The following TLN2 variants were observed in gnomAD, a reference collection of about 807,000 sequenced individuals.
TLN2 encodes the protein talin-2.
Under a neutral mutation model 294.7 loss-of-function variants are expected in TLN2, and 118 were observed. That is an observed-to-expected ratio of 0.40 (90% CI 0.34 to 0.47). The LOEUF (loss-of-function observed/expected upper bound fraction) is 0.47, where lower values mean the gene tolerates loss of function less well. Ranked by LOEUF, TLN2 falls within the 20% of genes least tolerant of loss-of-function variation. The pLI is 0.84. For synonymous variants in TLN2, 1,431 were observed against 1,304.5 expected (o/e 1.10, Z -2.09); for missense variants, 3,083 against 3,282.2 (o/e 0.94, Z 1.48).
At chr15:62,684,278 C>A (rs1457430061) in intron 11 of TLN2, among the ~76,000 whole-genome samples, 3 of 152,180 alleles carry the variant, frequency 2.0e-5, no homozygotes, top group African/African-American at 4.8e-5. Context: ...AGCTGCAAAC[C>A]ATATTTTATC....
intron 1 of TLN2, among the ~76,000 whole-genome samples, chr15:62,493,037 A>C (rs973599522): frequency 2.0e-5 from 3 of 152,060 alleles, no homozygotes; most frequent in Admixed American, 2.0e-4. Flanking sequence ...GGAACTCACT[A>C]ATTGCATTTG....
chr15:62,757,716 T>A (rs771358349), intron 37 of TLN2, among the ~76,000 whole-genome samples: 7 of 152,198 alleles, frequency 4.6e-5, no homozygotes, highest in Middle Eastern at 3.4e-3. Context: ...GGGAGGAATG[T>A]CGGGGGGTTG....
At chr15:62,500,065 A>G (rs1308938048) in intron 1 of TLN2, among the ~76,000 whole-genome samples, 4 of 151,880 alleles carry the variant, frequency 2.6e-5, no homozygotes, top group Non-Finnish European at 4.4e-5. Flanking sequence ...GGCCAGGCGC[A>G]GTGGCTCAAA....
chr15:62,524,705 C>T (rs905239741), intron 1 of TLN2, among the ~76,000 whole-genome samples: 7 of 152,194 alleles, frequency 4.6e-5, no homozygotes, highest in African/African-American at 1.4e-4. Flanking sequence ...TTCAAATTCA[C>T]AGCTTTAGAA....
intron 32 of TLN2, among the ~76,000 whole-genome samples, chr15:62,745,731 C>T (rs2061572451): frequency 6.6e-6 from 1 of 152,076 alleles, no homozygotes; most frequent in Non-Finnish European, 1.5e-5. Flanking sequence ...TGAGTTGCTC[C>T]GTATTCTTTG....
intron 2 of TLN2, among the ~76,000 whole-genome samples, chr15:62,599,097 T>C (rs1442312617): frequency 5.3e-5 from 8 of 152,240 alleles, no homozygotes; most frequent in Non-Finnish European, 8.8e-5. Flanking sequence ...TAACATGTGC[T>C]GTCTCTGTGC....
intron 1 of TLN2, among the ~76,000 whole-genome samples, chr15:62,452,202 A>G (rs55891944): frequency 0.047 from 7,223 of 152,250 alleles, 295 homozygotes; most frequent in African/African-American, 0.11. Flanking sequence ...CCTGAGGCCT[A>G]GACAGACAGG....
chr15:62,835,995 C>T lies in TLN2; in HGVS notation c.7296C>T (p.Val2432=), dbSNP rs202049914. 99 of 1,613,786 alleles carry T rather than the reference C, an allele frequency of 6.1e-5. No individual in the cohort carries two copies. Among genetic ancestry groups the T allele is most frequent in the African/African-American group, 4.9e-4 (37 of 75,056 alleles). The change falls in exon 57 of 59, where the codon GTC becomes GTT. Residue 2432 remains valine, a synonymous_variant. Transcript: ENST00000636159. ...AGCTCATCTCATCTGCCAAGCAGGTCGCCGCTTCCACGGCTCAGCTGCTGG... is the reference window on the plus strand; with the variant it reads ...AGCTCATCTCATCTGCCAAGCAGGTTGCCGCTTCCACGGCTCAGCTGCTGG... ...EEKLISSAKQ[V]AASTAQLLVA... is the part of the protein sequence containing the mutation.
intron 1 of TLN2, among the ~76,000 whole-genome samples, chr15:62,455,842 G>A (rs951067392): frequency 4.6e-5 from 7 of 152,036 alleles, no homozygotes; most frequent in East Asian, 1.9e-4. Context: ...CCTGTCCTCC[G>A]AGCCAGTACC....
chr15:62,526,414 A>G (rs1490382055), intron 1 of TLN2, among the ~76,000 whole-genome samples: 1 of 152,208 alleles, frequency 6.6e-6, no homozygotes, highest in Non-Finnish European at 1.5e-5. Context: ...ATATGAACAC[A>G]TACAGCCATC....
intron 1 of TLN2, among the ~76,000 whole-genome samples, chr15:62,460,605 A>G (rs2036746026): frequency 6.6e-6 from 1 of 152,168 alleles, no homozygotes. Context: ...GTTGTGTGCC[A>G]CTCATCCAAG....
chr15:62,831,279 C>T (rs939279957), intron 54 of TLN2: 4 of 152,026 alleles, frequency 2.6e-5, no homozygotes, highest in Admixed American at 1.3e-4. Context: ...GAGGCAAGAG[C>T]GTGAGAGACT....
chr15:62,713,162 G>T (rs556323319), intron 22 of TLN2, among the ~76,000 whole-genome samples: 33 of 151,602 alleles, frequency 2.2e-4, no homozygotes, highest in African/African-American at 7.0e-4. Context: ...CCACCTACTC[G>T]GGAGGCTGAG....
chr15:62,773,691 C>T (rs143568842), intron 42 of TLN2, among the ~76,000 whole-genome samples: 289 of 152,204 alleles, frequency 1.9e-3, no homozygotes, highest in African/African-American at 6.5e-3. Flanking sequence ...AGCTTTGATA[C>T]GGTGAAAAAT....
At chr15:62,465,110 T>C (rs2140349264) in intron 1 of TLN2, among the ~76,000 whole-genome samples, 1 of 142,936 alleles carries the variant, frequency 7.0e-6, no homozygotes, top group Non-Finnish European at 1.6e-5. Flanking sequence ...GCGCGTTTTT[T>C]TTTTTTTTTT....
At chr15:62,499,437 G>A (rs901921864) in intron 1 of TLN2, among the ~76,000 whole-genome samples, 8 of 152,066 alleles carry the variant, frequency 5.3e-5, no homozygotes, top group African/African-American at 1.7e-4. Context: ...GTTACACAGT[G>A]TCTCCAAAAA....
chr15:62,798,555 CA>C (rs370925643), intron 48 of TLN2, among the ~76,000 whole-genome samples: 108 of 143,316 alleles, frequency 7.5e-4, no homozygotes, highest in African/African-American at 1.9e-3. Context: ...AAAAACAAAA[CA>C]AAAAAAAAAA....
chr15:62,691,226 A>G (rs1283177665), intron 12 of TLN2, among the ~76,000 whole-genome samples: 6 of 152,192 alleles, frequency 3.9e-5, no homozygotes, highest in Non-Finnish European at 7.4e-5. Context: ...CTCTGATGAT[A>G]TTAATGTTAG....
chr15:62,451,097 A>G (rs2036116558), intron 1 of TLN2, among the ~76,000 whole-genome samples: 1 of 151,852 alleles, frequency 6.6e-6, no homozygotes, highest in Non-Finnish European at 1.5e-5. Context: ...TATAGGTGTG[A>G]GCCACTGTGC....
Sources: allele counts gnomAD v4.1 joint callset (sites outside exome capture counted in the v4.1 genomes callset), GRCh38; gene constraint gnomAD v4.1.1; transcripts MANE v1.5; gene names NCBI Gene and HGNC (gene_info 2026-07-23, HGNC 2026-07-21).